The following ABCA13 variants were observed in gnomAD, a reference collection of about 807,000 sequenced individuals.
ABCA13 encodes the protein ATP binding cassette subfamily A member 13.
Under a neutral mutation model 478.7 loss-of-function variants are expected in ABCA13, and 476 were observed. The observed-to-expected ratio is 0.99, with a 90% CI of 0.92 to 1.07. ABCA13 has a LOEUF of 1.07. Among genes scored for constraint, ABCA13 ranks in the 50% least tolerant of loss-of-function variants. The pLI is 0.00. For synonymous variants in ABCA13, 2,252 were observed against 2,158.9 expected (o/e 1.04, Z -1.20); for missense variants, 6,060 against 5,910.6 (o/e 1.03, Z -0.83).
intron 1 of ABCA13, among the ~76,000 whole-genome samples, chr7:48,188,905 C>G (rs1274187855): frequency 6.6e-6 from 1 of 152,122 alleles, no homozygotes; most frequent in African/African-American, 2.4e-5. Context: ...AAGTGCCTTG[C>G]GGATGGGAAG....
chr7:48,204,688 T>G (rs1191292318), intron 3 of ABCA13, among the ~76,000 whole-genome samples: 1 of 152,160 alleles, frequency 6.6e-6, no homozygotes, highest in Non-Finnish European at 1.5e-5. Context: ...CCTTTCTCTT[T>G]TTGTATTCCC....
At chr7:48,245,784 T>C in intron 12 of ABCA13, 79 bp from the exon 13 acceptor site, 3 of 1,465,948 alleles carry the variant, frequency 2.0e-6, no homozygotes, top group Non-Finnish European at 2.7e-6. Context: ...GCTTATTATA[T>C]TTGCAGTTCT....
chr7:48,216,207 A>G (rs973133711), intron 3 of ABCA13, among the ~76,000 whole-genome samples: 1 of 152,142 alleles, frequency 6.6e-6, no homozygotes, highest in African/African-American at 2.4e-5. Context: ...TTGCTCTCCC[A>G]TCATCAGTGG....
chr7:48,176,331 T>C (rs1794872308), intron 1 of ABCA13, among the ~76,000 whole-genome samples: 1 of 152,090 alleles, frequency 6.6e-6, no homozygotes, highest in Non-Finnish European at 1.5e-5. Flanking sequence ...TACGAGGACA[T>C]CAATGTTTTA....
At chr7:48,215,349 A>G (rs560627685) in intron 3 of ABCA13, among the ~76,000 whole-genome samples, 28 of 152,290 alleles carry the variant, frequency 1.8e-4, no homozygotes, top group African/African-American at 6.5e-4. Flanking sequence ...TGAGTTCTCC[A>G]TCTTATATGG....
chr7:48,204,438 T>G (rs1784651656), intron 3 of ABCA13, among the ~76,000 whole-genome samples: 1 of 152,202 alleles, frequency 6.6e-6, no homozygotes, highest in Non-Finnish European at 1.5e-5. Flanking sequence ...CTTGAATTCC[T>G]GACCTCAGGC....
At position 48,372,428 on chromosome 7, in the gene ABCA13, C is replaced by G; in HGVS notation, c.11064C>G (p.Ile3688Met). 1 of 1,613,266 alleles carries G rather than the reference C, an allele frequency of 6.2e-7. No individual in the cohort carries two copies. The highest frequency in any genetic ancestry group is 8.5e-7 in the Non-Finnish European group (1 of 1,179,790). The change falls in exon 33 of 62, where the codon ATC becomes ATG. Residue 3688 changes from isoleucine (I) to methionine (M), a missense_variant. Coordinates refer to ENST00000435803, the MANE Select transcript of ABCA13 (RefSeq NM_152701.5). ...TTTGTACCAGCCTGGTGTACATGAT[C>G]AGCTTTCTGCCCTACATAGTTCTAT... ...AALCTSLVYM[I>M]SFLPYIVLLV...
chr7:48,592,687 A>G (rs1157453923), intron 57 of ABCA13, among the ~76,000 whole-genome samples: 2 of 151,942 alleles, frequency 1.3e-5, no homozygotes, highest in African/African-American at 4.8e-5. Flanking sequence ...GAACTCCCCT[A>G]TTATTATTGT....
chr7:48,224,417 C>T (rs576231420), intron 5 of ABCA13, among the ~76,000 whole-genome samples: 1 of 152,240 alleles, frequency 6.6e-6, no homozygotes, highest in Non-Finnish European at 1.5e-5. Context: ...TGGGCAGTAC[C>T]TTTGTTCCTG....
At chr7:48,260,306 G>C (rs2128720563) in intron 15 of ABCA13, among the ~76,000 whole-genome samples, 1 of 152,126 alleles carries the variant, frequency 6.6e-6, no homozygotes, top group Middle Eastern at 3.4e-3. Flanking sequence ...GATATTTTTA[G>C]AGGAAAGAGG....
At chr7:48,474,524 A>C (rs1364397529) in intron 45 of ABCA13, among the ~76,000 whole-genome samples, 1 of 152,110 alleles carries the variant, frequency 6.6e-6, no homozygotes, top group African/African-American at 2.4e-5. Flanking sequence ...ATAGATAATG[A>C]GATTTCAGGG....
chr7:48,351,509 T>A (rs1443923812), intron 30 of ABCA13, among the ~76,000 whole-genome samples: 1 of 152,186 alleles, frequency 6.6e-6, no homozygotes, highest in Non-Finnish European at 1.5e-5. Flanking sequence ...CATTGGCTTG[T>A]AGGTGGCCAT....
rs749473557 is a variant in ABCA13 at position 48,241,052 on chromosome 7, T to C, written c.1248T>C (p.His416=). 15 of 1,613,916 alleles carry C rather than the reference T, an allele frequency of 9.3e-6. No individual in the cohort carries two copies. The highest frequency in any genetic ancestry group is 1.1e-5 in the Non-Finnish European group (13 of 1,179,900). ...CAGCAGATGGCCCAAAAGATAATCA[T>C]ACATTTCCAAAGATGTAAGTCGCAT... ...SLSADGPKDN[H]TFPKILQHLW... is the part of the protein sequence containing the mutation. Residue 416 remains histidine, a synonymous_variant, in exon 10 of 62, where the codon CAT becomes CAC. Coordinates refer to ENST00000435803, the MANE Select transcript of ABCA13 (RefSeq NM_152701.5).
intron 20 of ABCA13, among the ~76,000 whole-genome samples, chr7:48,294,592 G>T (rs570924861): frequency 6.6e-6 from 1 of 151,256 alleles, no homozygotes; most frequent in Non-Finnish European, 1.5e-5. Flanking sequence ...GACTACAGGC[G>T]CCCGCCACCG....
intron 39 of ABCA13, 72 bp downstream of exon 39, chr7:48,403,951 A>C (rs781650112): frequency 7.9e-6 from 12 of 1,510,652 alleles, no homozygotes. Flanking sequence ...GCTACTGTAC[A>C]GTAGAATCAA....
intron 43 of ABCA13, 64 bp downstream of exon 43, chr7:48,455,350 T>G: frequency 6.7e-7 from 1 of 1,503,402 alleles, no homozygotes; most frequent in Non-Finnish European, 9.0e-7. Flanking sequence ...TTGCAATAGC[T>G]TCGATACTTT....
rs150681660 is a variant in ABCA13, at chr7:48,525,621, C to G, written c.14244+1181C>G. Among the ~76,000 whole-genome samples the G allele has an allele frequency of 6.7e-3, 969 of 145,218 alleles. 7 individuals carry two copies. The highest frequency in any genetic ancestry group is 0.023 in the African/African-American group (909 of 39,540). ...CAAAAAGAGTATGACCCAATTAATG[C>G]TATTAGGCTGAGAGGGGAAGCCCAG... On this transcript the variant is annotated intron_variant, in intron 54 of 61. Transcript: ENST00000435803.
intron 3 of ABCA13, among the ~76,000 whole-genome samples, chr7:48,207,642 ATTGT>A (rs1038944923): frequency 7.9e-5 from 12 of 151,928 alleles, no homozygotes; most frequent in African/African-American, 2.7e-4. Context: ...TTTTCATTGA[ATTGT>A]TTGTTTGTTT....
At chr7:48,460,888 G>A (rs983204448) in intron 43 of ABCA13, among the ~76,000 whole-genome samples, 8 of 152,172 alleles carry the variant, frequency 5.3e-5, no homozygotes, top group Non-Finnish European at 7.3e-5. Context: ...AATGGTCACC[G>A]GGATGTGATA....
Sources: allele counts gnomAD v4.1 joint callset (sites outside exome capture counted in the v4.1 genomes callset), GRCh38; gene constraint gnomAD v4.1.1; transcripts MANE v1.5; gene names NCBI Gene and HGNC (gene_info 2026-07-23, HGNC 2026-07-21).